Variants in UBAC1 observed in about 807,000 individuals in gnomAD.
The protein encoded by UBAC1 is UBA domain containing 1.
In UBAC1, 27 loss-of-function variants were observed where a neutral mutation model predicts 45.9. The observed-to-expected ratio is 0.59, with a 90% CI of 0.43 to 0.81. The LOEUF is 0.81. Among genes scored for constraint, UBAC1 ranks in the 30% least tolerant of loss-of-function variants. UBAC1 has a pLI of 0.00. For synonymous variants in UBAC1, 227 were observed against 215.5 expected (o/e 1.05, Z -0.47); for missense variants, 529 against 539.2 (o/e 0.98, Z 0.19).
intron 1 of UBAC1, among the ~76,000 whole-genome samples, chr9:135,955,947 C>T (rs143168319): frequency 0.02 from 3,024 of 152,228 alleles, 45 homozygotes; most frequent in Non-Finnish European, 0.023. Context: ...TGCTGCATCC[C>T]GAGATTGGGA....
intron 1 of UBAC1, among the ~76,000 whole-genome samples, chr9:135,959,109 TAA>T (rs1839501800): frequency 6.6e-6 from 1 of 152,224 alleles, no homozygotes; most frequent in African/African-American, 2.4e-5. Flanking sequence ...TTTCCTTTCA[TAA>T]AAGAGTATCA....
chr9:135,942,002 A>ATGTTG (rs1839275191), intron 7 of UBAC1, among the ~76,000 whole-genome samples: 1 of 152,254 alleles, frequency 6.6e-6, no homozygotes, highest in Non-Finnish European at 1.5e-5. Context: ...TTTTCATCAA[A>ATGTTG]GAAGACATTC....
At position 135,961,091 on chromosome 9, in the gene UBAC1, G is replaced by A; in HGVS notation, c.72C>T (p.Ala24=). 1.9e-6 allele frequency: 3 copies of A among 1,586,052 alleles called. No homozygotes were observed. Among genetic ancestry groups the A allele is most frequent in the East Asian group, 2.4e-5 (1 of 41,816 alleles). Residue 24 remains alanine (A), a synonymous_variant, in exon 1 of 10, where the codon GCC becomes GCT. Transcript: ENST00000371756. The part of the protein sequence containing the change: ...LRLHICASDG[A]EWLEEATEDT... ...CCTCGGTGGCCTCCTCCAGCCACTC[G>A]GCGCCGTCGGACGCGCAGATGTGCA...
chr9:135,955,274 G>T, intron 2 of UBAC1, 21 bp downstream of exon 2: 1 of 1,531,038 alleles, frequency 6.5e-7, no homozygotes. Context: ...CTGCCAACCC[G>T]CCCGCCCACA....
intron 7 of UBAC1, among the ~76,000 whole-genome samples, chr9:135,944,026 T>C (rs1055066878): frequency 5.3e-5 from 8 of 152,182 alleles, no homozygotes; most frequent in African/African-American, 1.9e-4. Context: ...CTGGGCTTCA[T>C]ACCTAGGTGA....
Position 135,955,509 on chromosome 9 carries a change from T to A in UBAC1, c.139-94A>T, listed in dbSNP as rs150700674. 1.2e-3 allele frequency: 1,636 copies of A among 1,318,884 alleles called. 15 individuals carry two copies. The African/African-American group carries it at 0.022, about 18-fold the overall frequency. 81.7% of individuals were successfully genotyped at this position (1,318,884 alleles called of 1,614,324 possible). On this transcript the variant is annotated intron_variant, in intron 1 of 9. Coordinates refer to ENST00000371756, the MANE Select transcript of UBAC1 (RefSeq NM_016172.3). Reference sequence around the variant, plus strand: ...ATCCCAAGCTACACCAGGAATTTACTGGGTTTTCTTATGAGCTAAGAAATT... The same window carrying A: ...ATCCCAAGCTACACCAGGAATTTACAGGGTTTTCTTATGAGCTAAGAAATT...
rs10553564 is a variant in UBAC1 at position 135,939,497 on chromosome 9, ACACT to A, written c.963+172_963+175del. ...AGCCCACACTCACTCACCACAGCCC[ACACT>A]CACTCAGCCCACACTCACTCATCAC... On this transcript the variant is annotated intron_variant, in intron 8 of 9. Transcript: ENST00000371756. Among the ~76,000 whole-genome samples the A allele has an allele frequency of 7.7e-3, 1,132 of 147,828 alleles. 12 individuals are homozygous for A. Among genetic ancestry groups the A allele is most frequent in the African/African-American group, 0.027 (1,044 of 39,028 alleles).
At chr9:135,937,718 A>T (rs1293482968) in intron 9 of UBAC1, among the ~76,000 whole-genome samples, 1 of 152,234 alleles carries the variant, frequency 6.6e-6, no homozygotes, top group Non-Finnish European at 1.5e-5. Flanking sequence ...GATGAGGTGC[A>T]TAGGGGAGGG....
At chr9:135,941,985 G>C (rs1015489501) in intron 7 of UBAC1, among the ~76,000 whole-genome samples, 2 of 152,238 alleles carry the variant, frequency 1.3e-5, no homozygotes, top group African/African-American at 4.8e-5. Context: ...TGACCACCTT[G>C]TGATGATTTT....
At chr9:135,937,138 A>G (rs548718987) in intron 9 of UBAC1, among the ~76,000 whole-genome samples, 8 of 152,252 alleles carry the variant, frequency 5.3e-5, no homozygotes, top group Admixed American at 1.3e-4. Context: ...CGGGTGGCAA[A>G]GGCCCTCCCA....
intron 1 of UBAC1, among the ~76,000 whole-genome samples, chr9:135,959,143 C>T (rs1244347139): frequency 6.6e-6 from 1 of 152,168 alleles, no homozygotes. Context: ...CACATCGCAC[C>T]GAGTGAGTTA....
At chr9:135,940,229 A>C (rs909166419) in intron 7 of UBAC1, among the ~76,000 whole-genome samples, 1 of 152,156 alleles carries the variant, frequency 6.6e-6, no homozygotes, top group Non-Finnish European at 1.5e-5. Flanking sequence ...CAACGGAAAC[A>C]AAAATGCCAT....
chr9:135,957,951 T>C (rs150633521), intron 1 of UBAC1, among the ~76,000 whole-genome samples: 2,919 of 151,978 alleles, frequency 0.019, 42 homozygotes, highest in Non-Finnish European at 0.023. Flanking sequence ...TTTTTTTACA[T>C]TTTTAGTACA....
chr9:135,953,850 G>C, intron 2 of UBAC1, 97 bp from the exon 3 acceptor site: 1 of 1,104,100 alleles, frequency 9.1e-7, no homozygotes. Context: ...CAGAACAGCA[G>C]GGATTCGGCC....
Position 135,961,314 on chromosome 9 carries a change from TC to T in UBAC1, c.-153del. 1 of 540,598 alleles carries T rather than the reference TC, an allele frequency of 1.8e-6. No homozygotes were observed. The allele number at this position is 540,598 out of a possible 1,614,324, so 33.5% of individuals were successfully genotyped here. On this transcript the variant is annotated 5_prime_UTR_variant, in exon 1 of 10. Transcript: ENST00000371756. ...CTCCCGTCGGCCGGGCCGCCGTCAC[TC>T]TCCGCGGCCTCAGCGGTCGCCTCGC...
At chr9:135,952,461 C>T (rs1445802680) in intron 3 of UBAC1, among the ~76,000 whole-genome samples, 2 of 152,350 alleles carry the variant, frequency 1.3e-5, no homozygotes, top group East Asian at 1.9e-4. Context: ...GGGTAGGACA[C>T]GCCACTTGCA....
intron 9 of UBAC1, among the ~76,000 whole-genome samples, chr9:135,934,865 G>A (rs530866979): frequency 2.0e-5 from 3 of 152,238 alleles, no homozygotes; most frequent in Admixed American, 6.5e-5. Flanking sequence ...TTTATCTGAG[G>A]AAGGACTTTC....
In UBAC1 at chr9:135,944,954, A is replaced by C. The variant is rs1294394229; in HGVS notation, c.876+74T>G. ...AGCCCAAGGTCAGCCATGCAGCCCC[A>C]GCTTCCTTTCCATGGCGCCACCTCA... On this transcript the variant is annotated intron_variant, in intron 7 of 9. Coordinates refer to ENST00000371756, the MANE Select transcript of UBAC1 (RefSeq NM_016172.3). 4 of 1,454,452 alleles carry C rather than the reference A, an allele frequency of 2.8e-6. No individual in the cohort carries two copies. In the East Asian group the frequency reaches 9.5e-5, roughly 34 times the overall value. 90.1% of individuals were successfully genotyped at this position (1,454,452 alleles called of 1,614,324 possible).
intron 4 of UBAC1, among the ~76,000 whole-genome samples, chr9:135,946,646 C>T (rs1222995394): frequency 1.3e-5 from 2 of 152,222 alleles, no homozygotes; most frequent in African/African-American, 2.4e-5. Flanking sequence ...GTGAGGAAAC[C>T]GTCGGCCCAG....
Sources: gnomAD v4.1 joint callset for allele counts (sites outside exome capture counted in the v4.1 genomes callset) on GRCh38, gnomAD v4.1.1 for gene constraint, MANE v1.5 for transcripts, NCBI Gene and HGNC (gene_info 2026-07-23, HGNC 2026-07-21) for gene names.